VPS37A: variants seen among roughly 807,000 people sequenced by gnomAD.
VPS37A encodes the protein VPS37A subunit of ESCRT-I.
Under a neutral mutation model 49.8 loss-of-function variants are expected in VPS37A, and 30 were observed. The ratio of observed to expected loss-of-function variants is 0.60; its 90% CI spans 0.45 to 0.82. The LOEUF (loss-of-function observed/expected upper bound fraction) is 0.82. Among genes scored for constraint, VPS37A ranks in the 40% least tolerant of loss-of-function variants. VPS37A has a pLI of 0.00. For missense variants in VPS37A, 593 were observed against 464.4 expected, an observed-to-expected ratio of 1.28 and a Z score of -2.55; for synonymous variants, 195 against 160.6, an observed-to-expected ratio of 1.21 and a Z score of -1.62.
intron 1 of VPS37A, among the ~76,000 whole-genome samples, chr8:17,249,872 G>T (rs1260157381): frequency 6.6e-6 from 1 of 152,210 alleles, no homozygotes; most frequent in Non-Finnish European, 1.5e-5. Context: ...AAAACTGTCT[G>T]TATTTATGAT....
At chr8:17,292,885 A>T (rs1404309645) in intron 11 of VPS37A, among the ~76,000 whole-genome samples, 1 of 152,168 alleles carries the variant, frequency 6.6e-6, no homozygotes, top group Admixed American at 6.5e-5. Context: ...GCTGCCCTTA[A>T]CATTTTTTCC....
the VPS37A span, among the ~76,000 whole-genome samples, chr8:17,329,582 A>G: frequency 4.3e-3 from 660 of 152,324 alleles, 5 homozygotes; most frequent in African/African-American, 0.015. Context: ...GGTAGGAGCA[A>G]TTTTCTGCAA....
chr8:17,266,146 T>C (rs1348490792), intron 2 of VPS37A, among the ~76,000 whole-genome samples, 165 bp downstream of exon 2: 2 of 152,204 alleles, frequency 1.3e-5, no homozygotes, highest in Non-Finnish European at 2.9e-5. Flanking sequence ...AAGCTATCAC[T>C]GTTATAGTGT....
chr8:17,289,267 G>T (rs1323608364), intron 11 of VPS37A, among the ~76,000 whole-genome samples: 1 of 152,132 alleles, frequency 6.6e-6, no homozygotes, highest in African/African-American at 2.4e-5. Context: ...TTTTAGACAT[G>T]AAGTCTTTGC....
chr8:17,266,212 T>C (rs1813436053), intron 2 of VPS37A, among the ~76,000 whole-genome samples: 1 of 152,194 alleles, frequency 6.6e-6, no homozygotes, highest in Non-Finnish European at 1.5e-5. Flanking sequence ...ATACTAATTC[T>C]GAGTACTGTA....
At chr8:17,273,314 A>G (rs969671417) in intron 4 of VPS37A, among the ~76,000 whole-genome samples, 12 of 152,042 alleles carry the variant, frequency 7.9e-5, no homozygotes, top group African/African-American at 2.7e-4. Flanking sequence ...AAATTCTAGA[A>G]GTGTAATGCA....
chr8:17,251,529 T>C (rs1811975218), intron 1 of VPS37A, among the ~76,000 whole-genome samples: 1 of 152,218 alleles, frequency 6.6e-6, no homozygotes, highest in Admixed American at 6.5e-5. Flanking sequence ...TATAAGCTTC[T>C]AGCCAGCTTA....
the VPS37A span, chr8:17,331,390 C>T: frequency 4.1e-4 from 486 of 1,193,852 alleles, 10 homozygotes; most frequent in South Asian, 7.2e-3. Flanking sequence ...GAATGATGTA[C>T]GGAAACATAA....
the VPS37A span, among the ~76,000 whole-genome samples, chr8:17,328,925 T>C: frequency 6.6e-6 from 1 of 152,038 alleles, no homozygotes; most frequent in Non-Finnish European, 1.5e-5. Flanking sequence ...GAAGTTAAAA[T>C]TAGATCATCT....
the VPS37A span, among the ~76,000 whole-genome samples, chr8:17,327,641 TAAA>T: frequency 0.34 from 50,671 of 148,656 alleles, 11,320 homozygotes; most frequent in African/African-American, 0.63. Flanking sequence ...AGAAACCTGG[TAAA>T]AAAAAAAACT....
chr8:17,307,848 G>A, the VPS37A span, among the ~76,000 whole-genome samples: 1 of 151,320 alleles, frequency 6.6e-6, no homozygotes, highest in African/African-American at 2.4e-5. Context: ...GAGAACACAA[G>A]GACACAGGAA....
the VPS37A span, among the ~76,000 whole-genome samples, chr8:17,319,454 C>T: frequency 3.3e-5 from 5 of 152,124 alleles, no homozygotes; most frequent in African/African-American, 7.2e-5. Flanking sequence ...AGTTAAGGCA[C>T]GAAGTGATCA....
At chr8:17,304,129 T>C (rs1817301573), downstream of VPS37A, among the ~76,000 whole-genome samples, 1 of 152,202 alleles carries the variant, frequency 6.6e-6, no homozygotes, top group Non-Finnish European at 1.5e-5. Flanking sequence ...AATTGGAACT[T>C]AACCTTTTTA....
At chr8:17,248,091 T>C (rs1339264589) in intron 1 of VPS37A, 2 of 373,688 alleles carry the variant, frequency 5.4e-6, no homozygotes, top group South Asian at 2.3e-5. Context: ...TTTCAACTTT[T>C]ACTGTAAATT....
chr8:17,310,424 A>G, the VPS37A span, among the ~76,000 whole-genome samples: 2,049 of 152,220 alleles, frequency 0.013, 52 homozygotes, highest in African/African-American at 0.048. Flanking sequence ...GTTCTTGACA[A>G]CTCGAGACAT....
the VPS37A span, among the ~76,000 whole-genome samples, chr8:17,312,227 G>T: frequency 2.6e-5 from 4 of 152,158 alleles, no homozygotes; most frequent in African/African-American, 4.8e-5. Context: ...ACATGGGAGA[G>T]ATTTCATCAT....
Position 17,265,957 on chromosome 8 carries a change from A to T in VPS37A, c.176A>T (p.Asn59Ile), listed in dbSNP as rs1416838153. The change falls in exon 2 of 12, where the codon AAC (asparagine) becomes ATC (isoleucine). Residue 59 changes from asparagine (N) to isoleucine (I), a missense_variant. By Grantham distance (149) the Asn-to-Ile change is moderately radical. Coordinates refer to ENST00000324849, the MANE Select transcript of VPS37A (RefSeq NM_152415.3). ...GAATACAGATTGCCATTCACCATAAACAACCTGACAATTAACATTAATATG... is the reference window on the plus strand; with the variant it reads ...GAATACAGATTGCCATTCACCATAATCAACCTGACAATTAACATTAATATG... ...DVEYRLPFTI[N>I]NLTININILL... 6.2e-7 allele frequency: 1 copy of T among 1,613,092 alleles called. No homozygotes were observed. The highest frequency in any genetic ancestry group is 8.5e-7 in the Non-Finnish European group (1 of 1,179,578).
chr8:17,268,772 A>T, intron 3 of VPS37A, 84 bp from the exon 4 acceptor site: 1 of 903,500 alleles, frequency 1.1e-6, no homozygotes, highest in Non-Finnish European at 1.7e-6. Context: ...AAAGTAAGTT[A>T]ATATTTAGAG....
chr8:17,320,944 C>A, the VPS37A span, among the ~76,000 whole-genome samples: 12,615 of 152,244 alleles, frequency 0.083, 616 homozygotes, highest in African/African-American at 0.13. Context: ...TGCGTGAAGT[C>A]TCAGGATGCA....
Sources: gnomAD v4.1 joint callset for allele counts (sites outside exome capture counted in the v4.1 genomes callset) on GRCh38, gnomAD v4.1.1 for gene constraint, MANE v1.5 for transcripts, NCBI Gene and HGNC (gene_info 2026-07-23, HGNC 2026-07-21) for gene names.